Variants in MGST1 observed in about 807,000 individuals in gnomAD.
The protein encoded by MGST1 is glutathione S-transferase 12.
MGST1 carries 5 observed loss-of-function variants against 8.9 expected under a neutral mutation model. The observed-to-expected ratio is 0.56, with a 90% CI of 0.29 to 1.19. The LOEUF is 1.19. Among genes scored for constraint, MGST1 ranks in the 50% most tolerant of loss-of-function variants. MGST1 has a pLI of 0.08. For synonymous variants in MGST1, 54 were observed against 67.8 expected, an observed-to-expected ratio of 0.80 and a Z score of 1.00; for missense variants, 182 against 187.4, an observed-to-expected ratio of 0.97 and a Z score of 0.17.
At chr12:16,474,751 A>T (rs1389935326) in intron 4 of MGST1, among the ~76,000 whole-genome samples, 1 of 152,184 alleles carries the variant, frequency 6.6e-6, no homozygotes, top group African/African-American at 2.4e-5. Context: ...AGTAATATTG[A>T]TAATAAAATC....
chr12:16,495,510 A>G (rs1236620882), intron 4 of MGST1, among the ~76,000 whole-genome samples: 1 of 152,104 alleles, frequency 6.6e-6, no homozygotes, highest in Non-Finnish European at 1.5e-5. Context: ...TTACCAATAA[A>G]ATAAAATGCA....
intron 4 of MGST1, among the ~76,000 whole-genome samples, chr12:16,556,481 A>G (rs952898400): frequency 6.6e-6 from 1 of 152,216 alleles, no homozygotes; most frequent in Non-Finnish European, 1.5e-5. Flanking sequence ...ACATTCAGAA[A>G]TGCTTTGGAT....
intron 4 of MGST1, among the ~76,000 whole-genome samples, chr12:16,557,207 G>A (rs766176443): frequency 6.6e-6 from 1 of 151,996 alleles, no homozygotes; most frequent in Non-Finnish European, 1.5e-5. Flanking sequence ...TGTAGAACAT[G>A]GATAAAATAG....
chr12:16,556,691 C>T (rs2137293420), intron 4 of MGST1, among the ~76,000 whole-genome samples: 1 of 152,204 alleles, frequency 6.6e-6, no homozygotes, highest in East Asian at 1.9e-4. Context: ...TATGGGTTTC[C>T]TGGAGGAGAC....
chr12:16,433,704 T>C (rs180794525), intron 1 of MGST1, among the ~76,000 whole-genome samples: 1 of 152,096 alleles, frequency 6.6e-6, no homozygotes, highest in African/African-American at 2.4e-5. Context: ...TTTTACCAAA[T>C]ATCTGGGCAT....
chr12:16,512,741 T>A (rs1445711081), intron 4 of MGST1, among the ~76,000 whole-genome samples: 2 of 152,244 alleles, frequency 1.3e-5, no homozygotes, highest in Non-Finnish European at 2.9e-5. Flanking sequence ...AAAATGCTTG[T>A]CTATTACATA....
intron 4 of MGST1, among the ~76,000 whole-genome samples, chr12:16,472,190 C>A (rs1001818993): frequency 6.6e-6 from 1 of 152,142 alleles, no homozygotes; most frequent in African/African-American, 2.4e-5. Flanking sequence ...TTTGTGTAAT[C>A]TTTCAGCCAA....
intron 4 of MGST1, among the ~76,000 whole-genome samples, chr12:16,477,825 G>A (rs1315317952): frequency 1.3e-5 from 2 of 152,270 alleles, no homozygotes; most frequent in Admixed American, 1.3e-4. Flanking sequence ...AGAGGTGGAA[G>A]CCATCCTGTT....
rs796386788 is a variant in MGST1, at chr12:16,394,527, T to C, written n.778+10923T>C. Among the ~76,000 whole-genome samples the C allele has an allele frequency of 5.1e-3, 193 of 37,670 alleles. 6 individuals carry two copies. The highest frequency in any genetic ancestry group is 0.014 in the African/African-American group (189 of 13,598). The allele number at this position is 37,670 out of a possible 152,430, so 24.7% of individuals were successfully genotyped here. Reference sequence around the variant, plus strand: ...CTCTTTCTCTCCCTTTCTTTCTTTCTTTCTTTCTTTCTTTCTTTCTTTCTT... The same window carrying C: ...CTCTTTCTCTCCCTTTCTTTCTTTCCTTCTTTCTTTCTTTCTTTCTTTCTT... On this transcript the variant is annotated intron_variant and non_coding_transcript_variant, in intron 1 of 1. Transcript: ENST00000359720.
intron 1 of MGST1, among the ~76,000 whole-genome samples, chr12:16,423,962 A>G (rs575922805): frequency 6.6e-6 from 1 of 152,214 alleles, no homozygotes; most frequent in African/African-American, 2.4e-5. Context: ...GAGTCTCCCA[A>G]TATATCTAAT....
At position 16,568,960 on chromosome 12, in the gene MGST1, A is replaced by G. The variant is rs73322831; in HGVS notation, n.483-20568A>G. Among the ~76,000 whole-genome samples the G allele has an allele frequency of 2.9e-3, 441 of 152,310 alleles. 3 individuals carry two copies. The highest frequency in any genetic ancestry group is 0.01 in the Middle Eastern group (3 of 294). On this transcript the variant is annotated intron_variant and non_coding_transcript_variant, in intron 4 of 4. Coordinates refer to the MGST1 transcript ENST00000538857. ...GCCAGAGACATTTTTTTCTAACTTG[A>G]AACTTAAAAATATGTATGCTAATAG...
chr12:16,407,701 T>A (rs61915275), intron 1 of MGST1, among the ~76,000 whole-genome samples: 20 of 151,878 alleles, frequency 1.3e-4, no homozygotes, highest in Non-Finnish European at 2.5e-4. Context: ...AAAAAAAATA[T>A]GGTACACATA....
chr12:16,426,689 C>A (rs182792139), intron 1 of MGST1, among the ~76,000 whole-genome samples: 57 of 152,268 alleles, frequency 3.7e-4, no homozygotes, highest in African/African-American at 1.3e-3. Context: ...GCGTGGCTCA[C>A]GCCTGTAATC....
exon 4 of MGST1, chr12:16,377,087 A>G: frequency 6.6e-6 from 1 of 152,042 alleles, no homozygotes; most frequent in East Asian, 1.9e-4. Flanking sequence ...CTTTTTTTTA[A>G]TGATGTGTGC....
chr12:16,496,599 G>A (rs961224722), intron 4 of MGST1, among the ~76,000 whole-genome samples: 6 of 152,062 alleles, frequency 3.9e-5, no homozygotes, highest in African/African-American at 1.4e-4. Context: ...ATAGTATCCA[G>A]TAGTTAGTGT....
chr12:16,463,951 A>G (rs1439675689), intron 4 of MGST1, among the ~76,000 whole-genome samples: 2 of 152,222 alleles, frequency 1.3e-5, no homozygotes, highest in Non-Finnish European at 2.9e-5. Flanking sequence ...ATGACTGGCT[A>G]TCACATCATT....
At chr12:16,491,623 G>A (rs1434592799) in intron 4 of MGST1, among the ~76,000 whole-genome samples, 2 of 152,048 alleles carry the variant, frequency 1.3e-5, no homozygotes, top group Non-Finnish European at 2.9e-5. Flanking sequence ...CTGAATAAAT[G>A]TAAGTACTTT....
chr12:16,399,432 G>T, intron 1 of MGST1: 1 of 1,532,434 alleles, frequency 6.5e-7, no homozygotes, highest in Non-Finnish European at 9.0e-7. Flanking sequence ...TTCTTGGTCC[G>T]CTTTTCGGGC....
chr12:16,456,684 A>C (rs1941175671), intron 4 of MGST1, among the ~76,000 whole-genome samples: 1 of 151,948 alleles, frequency 6.6e-6, no homozygotes, highest in Non-Finnish European at 1.5e-5. Context: ...AAATTAACAC[A>C]CAAACTGAGT....
Sources: gnomAD v4.1 joint callset for allele counts (sites outside exome capture counted in the v4.1 genomes callset) on GRCh38, gnomAD v4.1.1 for gene constraint, MANE v1.5 for transcripts, NCBI Gene and HGNC (gene_info 2026-07-23, HGNC 2026-07-21) for gene names.